Variants in HDAC9 observed in about 807,000 individuals in gnomAD.
HDAC9 encodes MEF-2 interacting transcription repressor (MITR) protein.
In HDAC9, 41 loss-of-function variants were observed where a neutral mutation model predicts 139.4. That is an observed-to-expected ratio of 0.29 (90% CI 0.23 to 0.38). The LOEUF is 0.38. Ranked by LOEUF, HDAC9 falls within the 10% of genes least tolerant of loss-of-function variation. HDAC9 has a pLI of 1.00. For synonymous variants in HDAC9, 517 were observed against 476.2 expected, an observed-to-expected ratio of 1.09 and a Z score of -1.12; for missense variants, 1,147 against 1,297.0, an observed-to-expected ratio of 0.88 and a Z score of 1.78.
chr7:18,195,087 G>A (rs1267214361), intron 2 of HDAC9, among the ~76,000 whole-genome samples: 1 of 152,086 alleles, frequency 6.6e-6, no homozygotes, highest in Non-Finnish European at 1.5e-5. Flanking sequence ...GTCAATAATA[G>A]GAAGTATGGG....
chr7:18,820,761 G>T (rs953316896), intron 17 of HDAC9, among the ~76,000 whole-genome samples: 7 of 152,110 alleles, frequency 4.6e-5, no homozygotes, highest in Non-Finnish European at 7.4e-5. Context: ...TTTGGGGAGT[G>T]GGGAGGAGGA....
chr7:18,818,223 G>C (rs1794710620), intron 17 of HDAC9, among the ~76,000 whole-genome samples: 1 of 152,152 alleles, frequency 6.6e-6, no homozygotes, highest in African/African-American at 2.4e-5. Context: ...CCTTAGTGCT[G>C]ATACTTAAGC....
Position 18,835,451 on chromosome 7 carries a change from T to C in HDAC9, c.2467-16T>C. On this transcript the variant is annotated splice_polypyrimidine_tract_variant and intron_variant, in intron 19 of 25. Transcript: ENST00000686413. The stretch of plus-strand genomic sequence containing the variant: ...AGACATGACTGTATTTGTCGTCTGT[T>C]TTCATTTCCCTGTAGGATGTTCACC... 2 of 1,606,458 alleles carry C rather than the reference T, an allele frequency of 1.2e-6. No individual in the cohort carries two copies. The highest frequency in any genetic ancestry group is 1.7e-6 in the Non-Finnish European group (2 of 1,175,280).
At chr7:18,345,353 C>G (rs1360879501) in intron 1 of HDAC9, among the ~76,000 whole-genome samples, 1 of 151,886 alleles carries the variant, frequency 6.6e-6, no homozygotes, top group East Asian at 1.9e-4. Flanking sequence ...CTTTGTGCTT[C>G]TAAATTGTTA....
At chr7:18,225,491 A>G (rs1002571160) in intron 2 of HDAC9, among the ~76,000 whole-genome samples, 2 of 152,142 alleles carry the variant, frequency 1.3e-5, no homozygotes, top group African/African-American at 4.8e-5. Flanking sequence ...ATCCTTCATT[A>G]TGTTTTATGC....
At position 18,449,215 on chromosome 7, in the gene HDAC9, G is replaced by A. The variant is rs551419540; in HGVS notation, c.-41-47047G>A. Among the ~76,000 whole-genome samples, 17 of 152,222 alleles carry A rather than the reference G, an allele frequency of 1.1e-4. No individual in the cohort carries two copies. The East Asian group carries it at 3.1e-3, about 28-fold the overall frequency. On this transcript the variant is annotated intron_variant, in intron 1 of 3. Coordinates refer to the HDAC9 transcript ENST00000413509. ...CAGCCCTATTTATAGTAGCCAAAAA[G>A]TGAGAGCAATGTGCCTCAAAATTAG...
intron 24 of HDAC9, among the ~76,000 whole-genome samples, chr7:18,968,764 C>G (rs1585432812): frequency 6.6e-6 from 1 of 152,056 alleles, no homozygotes; most frequent in South Asian, 2.1e-4. Context: ...TCGAGACCAT[C>G]CTGGCTAACA....
chr7:18,288,999 C>T (rs887608512), upstream of HDAC9, among the ~76,000 whole-genome samples: 1 of 152,132 alleles, frequency 6.6e-6, no homozygotes, highest in African/African-American at 2.4e-5. Flanking sequence ...TTTCACTTCC[C>T]CCTCTTCTTT....
chr7:18,406,190 A>G (rs1262606249), intron 1 of HDAC9, among the ~76,000 whole-genome samples: 2 of 152,328 alleles, frequency 1.3e-5, no homozygotes, highest in Middle Eastern at 3.4e-3. Context: ...AATCGATTCA[A>G]AATAATATGA....
chr7:18,324,543 T>C (rs1800289726), intron 1 of HDAC9, among the ~76,000 whole-genome samples: 1 of 152,114 alleles, frequency 6.6e-6, no homozygotes, highest in African/African-American at 2.4e-5. Flanking sequence ...TTTAAATGGC[T>C]TACGGTTTTT....
chr7:18,445,330 T>C (rs1300374994), intron 1 of HDAC9, among the ~76,000 whole-genome samples: 1 of 152,198 alleles, frequency 6.6e-6, no homozygotes, highest in Non-Finnish European at 1.5e-5. Flanking sequence ...AGTTTTCTAC[T>C]ATAGGCTATT....
chr7:18,519,265 A>G (rs543261877), intron 2 of HDAC9, among the ~76,000 whole-genome samples: 7 of 152,332 alleles, frequency 4.6e-5, no homozygotes, highest in African/African-American at 1.7e-4. Context: ...AAAAAGAATA[A>G]TTGTTGACTT....
upstream of HDAC9, among the ~76,000 whole-genome samples, chr7:18,288,041 G>A (rs889395023): frequency 6.6e-6 from 1 of 152,194 alleles, no homozygotes; most frequent in Non-Finnish European, 1.5e-5. Flanking sequence ...TAAGACTACA[G>A]CTACTGTATA....
At chr7:18,306,390 A>G (rs538014620) in intron 1 of HDAC9, among the ~76,000 whole-genome samples, 11 of 152,320 alleles carry the variant, frequency 7.2e-5, no homozygotes, top group African/African-American at 2.6e-4. Context: ...ATATGGGTGG[A>G]CTGTTGATAG....
chr7:18,554,434 C>T (rs1202780892), intron 2 of HDAC9, among the ~76,000 whole-genome samples: 1 of 145,668 alleles, frequency 6.9e-6, no homozygotes, highest in African/African-American at 2.5e-5. Flanking sequence ...CTCCTGGGTT[C>T]ACGCCATTCT....
intron 1 of HDAC9, among the ~76,000 whole-genome samples, chr7:18,430,115 C>T (rs775288552): frequency 2.0e-5 from 3 of 152,122 alleles, no homozygotes; most frequent in Non-Finnish European, 4.4e-5. Flanking sequence ...ATACAAAGTA[C>T]GCAAAGCCAG....
At position 18,241,400 on chromosome 7, in the gene HDAC9, G is replaced by A. The variant is rs1323068352; in HGVS notation, c.25+79051G>A. 2.0e-5 allele frequency among the ~76,000 whole-genome samples: 3 copies of A among 151,958 alleles called. No individual in the cohort carries two copies. The East Asian group carries it at 5.8e-4, about 29-fold the overall frequency. The stretch of plus-strand genomic sequence containing the variant: ...AAGATGTTTTCTCTTTCCATTATTG[G>A]GAGCTCTTTTCTTTCTGTTGTTTCT... On this transcript the variant is annotated intron_variant, in intron 2 of 12. Transcript: ENST00000417496.
chr7:18,511,651 A>G (rs1235537772), intron 2 of HDAC9, among the ~76,000 whole-genome samples: 1 of 152,154 alleles, frequency 6.6e-6, no homozygotes, highest in East Asian at 1.9e-4. Flanking sequence ...TTTAGTGGAC[A>G]CAGGAGACAA....
intron 6 of HDAC9, among the ~76,000 whole-genome samples, chr7:18,604,819 C>G (rs801511): frequency 6.6e-6 from 1 of 152,150 alleles, no homozygotes; most frequent in South Asian, 2.1e-4. Context: ...TTGCCAACTT[C>G]CCATTAGAAC....
Sources: gnomAD v4.1 joint callset for allele counts (sites outside exome capture counted in the v4.1 genomes callset) on GRCh38, gnomAD v4.1.1 for gene constraint, MANE v1.5 for transcripts, NCBI Gene and HGNC (gene_info 2026-07-23, HGNC 2026-07-21) for gene names.